The following RSF1 variants were observed in gnomAD, a reference collection of about 807,000 sequenced individuals.
The protein encoded by RSF1 is HBV pX-associated protein 8.
Under a neutral mutation model 145.2 loss-of-function variants are expected in RSF1, and 13 were observed. That is an observed-to-expected ratio of 0.09 (90% CI 0.06 to 0.14). RSF1 has a LOEUF of 0.14. Ranked by LOEUF, RSF1 falls within the 10% of genes least tolerant of loss-of-function variation. The pLI, the probability that RSF1 is intolerant of heterozygous loss-of-function variation, is 1.00. For synonymous variants in RSF1, 577 were observed against 592.6 expected, an observed-to-expected ratio of 0.97 and a Z score of 0.38; for missense variants, 1,517 against 1,718.2, an observed-to-expected ratio of 0.88 and a Z score of 2.07.
intron 5 of RSF1, among the ~76,000 whole-genome samples, chr11:77,718,618 G>C (rs1240067898): frequency 1.3e-5 from 2 of 152,164 alleles, no homozygotes; most frequent in Non-Finnish European, 2.9e-5. Context: ...TCACAAGAGT[G>C]GGGGACTTTA....
chr11:77,820,761 T>C, upstream of RSF1: 1 of 1,517,866 alleles, frequency 6.6e-7, no homozygotes, highest in South Asian at 1.3e-5. Context: ...GCGGGGGAAG[T>C]TGTGGTGCCG....
intron 4 of RSF1, chr11:77,734,796 T>C (rs1590857498): frequency 6.3e-7 from 1 of 1,594,352 alleles, no homozygotes; most frequent in Non-Finnish European, 8.5e-7. Context: ...TTCGGCCACC[T>C]CGTTGGTTCT....
intron 11 of RSF1, among the ~76,000 whole-genome samples, chr11:77,678,364 G>A (rs927530461): frequency 4.0e-5 from 6 of 151,856 alleles, no homozygotes; most frequent in African/African-American, 9.7e-5. Context: ...CTACAGACGC[G>A]TGCCACCAAA....
chr11:77,815,127 G>C (rs548670263), intron 1 of RSF1, among the ~76,000 whole-genome samples: 44 of 152,378 alleles, frequency 2.9e-4, no homozygotes, highest in Non-Finnish European at 5.9e-4. Context: ...GTTCTCTCTA[G>C]TTTAGGCATC....
chr11:77,725,827 A>G (rs947777439), intron 4 of RSF1, 128 bp from the exon 5 acceptor site: 1 of 612,198 alleles, frequency 1.6e-6, no homozygotes, highest in Non-Finnish European at 2.5e-6. Flanking sequence ...ACACTGGTAC[A>G]GCTAGCCCTA....
chr11:77,787,194 C>T (rs887491867), intron 1 of RSF1, among the ~76,000 whole-genome samples: 2 of 152,068 alleles, frequency 1.3e-5, no homozygotes, highest in South Asian at 2.1e-4. Context: ...CACCCAACAC[C>T]CACACAGGTC....
chr11:77,728,143 T>C (rs1024525434), intron 4 of RSF1, among the ~76,000 whole-genome samples: 1 of 152,234 alleles, frequency 6.6e-6, no homozygotes, highest in Non-Finnish European at 1.5e-5. Context: ...TTAAATCAGA[T>C]ATATCCCTCC....
Position 77,667,061 on chromosome 11 carries a change from G to A in RSF1, c.4182C>T (p.Pro1394=), listed in dbSNP as rs1176279584. 6.2e-7 allele frequency: 1 copy of A among 1,613,970 alleles called. No individual in the cohort carries two copies. The part of the protein sequence containing the change: ...IGKPTEKSQT[P]KDNSTASASL... ...TTGCACTGGCTGTGCTGTTGTCCTTGGGGGTCTGAGACTTCTCAGTAGGCT... is the reference window on the plus strand; with the variant it reads ...TTGCACTGGCTGTGCTGTTGTCCTTAGGGGTCTGAGACTTCTCAGTAGGCT... The change falls in exon 16 of 16, where the codon CCC becomes CCT. Residue 1394 remains proline, a synonymous_variant. Coordinates refer to ENST00000308488, the MANE Select transcript of RSF1 (RefSeq NM_016578.4).
chr11:77,702,451 T>C lies in RSF1; in HGVS notation c.778A>G (p.Met260Val), dbSNP rs1374823422. ...SEKMKSEEQPMDLENRSTANV... is the reference protein window; with the variant it reads ...SEKMKSEEQPVDLENRSTANV... ...GCTGTAGAACGGTTTTCTAAATCCATAGGCTGCTCCTCACTTTTCATCTTT... is the reference window on the plus strand; with the variant it reads ...GCTGTAGAACGGTTTTCTAAATCCACAGGCTGCTCCTCACTTTTCATCTTT... Residue 260 changes from methionine (M) to valine (V), a missense_variant, in exon 6 of 16, where the codon ATG becomes GTG. Transcript: ENST00000308488. 3.8e-6 allele frequency: 6 copies of C among 1,569,184 alleles called. No homozygotes were observed. The highest frequency in any genetic ancestry group is 4.3e-5 in the Admixed American group (2 of 46,126).
chr11:77,746,155 G>C (rs1207975521), intron 3 of RSF1, among the ~76,000 whole-genome samples: 2 of 151,998 alleles, frequency 1.3e-5, no homozygotes, highest in African/African-American at 4.8e-5. Context: ...CTATAACTTT[G>C]ACTCGCAAGG....
At chr11:77,790,873 T>G (rs554592314) in intron 1 of RSF1, among the ~76,000 whole-genome samples, 13 of 152,314 alleles carry the variant, frequency 8.5e-5, no homozygotes, top group Non-Finnish European at 1.2e-4. Context: ...TTGGAGGGTA[T>G]AGCCTCCTCC....
At position 77,702,227 on chromosome 11, in the gene RSF1, T is replaced by G; in HGVS notation, c.1002A>C (p.Lys334Asn). The G allele has an allele frequency of 6.2e-7, 1 of 1,613,910 alleles. No homozygotes were observed. The highest frequency in any genetic ancestry group is 8.5e-7 in the Non-Finnish European group (1 of 1,179,958). Residue 334 changes from lysine to asparagine, a missense_variant, in exon 6 of 16, where the codon AAA (lysine) becomes AAC (asparagine). Lys to Asn is a moderately conservative substitution (Grantham distance 94). Around this residue, in one of 12 missense-constraint regions of RSF1, gnomAD observed 207 missense variants for 191.4 expected, o/e 1.08. Transcript: ENST00000308488. ...GCTTCTCCATGCTACTTTTGGTATC[T>G]TTAGGATCTGCTCTACATTCCTTCA... ...VEVKECRADP[K>N]DTKSSMEKPV... is the part of the protein sequence containing the mutation.
intron 10 of RSF1, among the ~76,000 whole-genome samples, chr11:77,684,574 A>G (rs1035041521): frequency 6.6e-6 from 1 of 152,244 alleles, no homozygotes; most frequent in Admixed American, 6.5e-5. Flanking sequence ...CTGTAAGTTT[A>G]GTTTAGATGT....
At chr11:77,739,462 C>T (rs1480897603) in intron 4 of RSF1, 1 of 152,164 alleles carries the variant, frequency 6.6e-6, no homozygotes, top group East Asian at 1.9e-4. Flanking sequence ...ACTTTGTTCA[C>T]CTCCGTTTAG....
intron 8 of RSF1, among the ~76,000 whole-genome samples, chr11:77,692,232 A>ATTTTT (rs1565149884): frequency 5.0e-5 from 3 of 59,760 alleles, no homozygotes; most frequent in South Asian, 7.5e-4. Context: ...ACTACTTTTA[A>ATTTTT]ATTTTTTTTT....
intron 1 of RSF1, among the ~76,000 whole-genome samples, chr11:77,805,713 T>C (rs949983123): frequency 6.6e-6 from 1 of 152,238 alleles, no homozygotes; most frequent in African/African-American, 2.4e-5. Flanking sequence ...ATTGCTATAA[T>C]CTGTTTATTC....
At chr11:77,722,338 A>G (rs577242460) in intron 5 of RSF1, among the ~76,000 whole-genome samples, 39 of 152,340 alleles carry the variant, frequency 2.6e-4, no homozygotes, top group African/African-American at 8.9e-4. Flanking sequence ...AAACAGGTGT[A>G]TAACGGCCTT....
chr11:77,781,234 G>A (rs1948400748), intron 1 of RSF1, among the ~76,000 whole-genome samples: 1 of 152,092 alleles, frequency 6.6e-6, no homozygotes. Flanking sequence ...GAGTACCTGG[G>A]ATTACAGGCA....
At chr11:77,702,690 T>C (rs1009502573) in intron 5 of RSF1, 195 bp from the exon 6 acceptor site, 4 of 389,560 alleles carry the variant, frequency 1.0e-5, no homozygotes, top group Non-Finnish European at 1.8e-5. Flanking sequence ...AACTTCTAGA[T>C]ATTAAAAAAA....
Sources: allele counts gnomAD v4.1 joint callset (sites outside exome capture counted in the v4.1 genomes callset), GRCh38; gene constraint gnomAD v4.1.1; regional missense constraint gnomAD v4.1.1; transcripts MANE v1.5; gene names NCBI Gene and HGNC (gene_info 2026-07-23, HGNC 2026-07-21).